The following ANO7 variants were observed in gnomAD, a reference collection of about 807,000 sequenced individuals.
ANO7 encodes anoctamin 7, also known as anoctamin-7.
Under a neutral mutation model 115.8 loss-of-function variants are expected in ANO7, and 114 were observed. The ratio of observed to expected loss-of-function variants is 0.98; its 90% CI spans 0.85 to 1.15. The LOEUF (loss-of-function observed/expected upper bound fraction) is 1.15, where lower values mean the gene tolerates loss of function less well. Ranked by LOEUF, ANO7 falls within the 50% of genes most tolerant of loss-of-function variation. The pLI is 0.00. For missense variants in ANO7, 1,302 were observed against 1,201.2 expected (o/e 1.08, Z -1.24); for synonymous variants, 550 against 498.2 (o/e 1.10, Z -1.38).
chr2:241,201,041 A>G (rs1393527131), intron 6 of ANO7, among the ~76,000 whole-genome samples: 2 of 152,182 alleles, frequency 1.3e-5, no homozygotes, highest in East Asian at 1.9e-4. Flanking sequence ...GGTTCTGGGT[A>G]TCTGGGGGCC....
chr2:241,229,824 G>T (rs193157367), downstream of ANO7: 1 of 800,478 alleles, frequency 1.2e-6, no homozygotes, highest in Non-Finnish European at 1.8e-6. Flanking sequence ...GCAGAAGCCC[G>T]CATCTGACCT....
At chr2:241,210,224 G>A in intron 13 of ANO7, 71 bp from the exon 14 acceptor site, 5 of 1,464,620 alleles carry the variant, frequency 3.4e-6, no homozygotes, top group Non-Finnish European at 4.8e-6. Flanking sequence ...AGCTGTCGGG[G>A]GCCATGGCCT....
At chr2:241,217,641 G>C (rs1007600884) in intron 19 of ANO7, 45 bp from the exon 20 acceptor site, 1 of 1,539,666 alleles carries the variant, frequency 6.5e-7, no homozygotes. Flanking sequence ...CGAGGGCTGA[G>C]GGCGGACGGT....
chr2:241,199,357 C>T lies in ANO7; in HGVS notation c.351C>T (p.Leu117=). The change falls in exon 5 of 25, where the codon CTC becomes CTT. Residue 117 remains leucine (L), a synonymous_variant. Transcript: ENST00000674324. The part of the protein sequence containing the change: ...QDGNTTVHYA[L]LSASWAVLCY... ...GGAACACCACAGTGCACTACGCCCT[C>T]CTCAGCGCCTCCTGGGCTGTGCTCT... The T allele has an allele frequency of 6.2e-7, 1 of 1,613,796 alleles. No individual in the cohort carries two copies. Among genetic ancestry groups the T allele is most frequent in the Non-Finnish European group, 8.5e-7 (1 of 1,180,010 alleles).
At chr2:241,202,170 C>T (rs746033642) in intron 7 of ANO7, 24 bp from the exon 8 acceptor site, 50 of 1,598,670 alleles carry the variant, frequency 3.1e-5, no homozygotes, top group South Asian at 1.9e-4. Context: ...AAGTGACCTG[C>T]GCCATCCTCC....
At chr2:241,208,615 C>T (rs1189583334) in intron 11 of ANO7, among the ~76,000 whole-genome samples, 1 of 152,226 alleles carries the variant, frequency 6.6e-6, no homozygotes, top group East Asian at 1.9e-4. Flanking sequence ...ATTCAACTCA[C>T]TACAGGTCAT....
the ANO7 span, among the ~76,000 whole-genome samples, chr2:241,237,241 G>T: frequency 6.6e-6 from 1 of 152,186 alleles, no homozygotes; most frequent in African/African-American, 2.4e-5. Context: ...GAGAGGTCTA[G>T]GGGAGACAGA....
At chr2:241,205,559 T>C (rs2068573400) in intron 10 of ANO7, among the ~76,000 whole-genome samples, 3 of 105,146 alleles carry the variant, frequency 2.9e-5, no homozygotes, top group Admixed American at 1.1e-4. Context: ...TGGACAGGAG[T>C]GCTCCCAGTC....
At position 241,223,944 on chromosome 2, in the gene ANO7, G is replaced by A. The variant is rs7590653; in HGVS notation, c.2572G>A (p.Glu858Lys). The change falls in exon 24 of 25, where the codon GAG becomes AAG. Residue 858 changes from glutamate (E) to lysine (K), a missense_variant. Glu to Lys is a moderately conservative substitution (Grantham distance 56). Coordinates refer to ENST00000674324, the MANE Select transcript of ANO7 (RefSeq NM_001370694.2). ...GAACGGAACAAAGGATGAGCAGCCC[G>A]AGGGCTCAGAGGCAAGTCTGGGAGC... is the stretch of plus-strand genomic sequence containing the variant. The part of the protein sequence containing the change: ...GTNGTKDEQP[E>K]GSELSSHWTP... 318,384 of 1,609,316 alleles carry A rather than the reference G, an allele frequency of 0.2. 33,987 individuals are homozygous for A. The highest frequency in any genetic ancestry group is 0.26 in the Middle Eastern group (1,605 of 6,060).
chr2:241,192,811 T>C (rs1327820984), intron 3 of ANO7, among the ~76,000 whole-genome samples: 4 of 151,918 alleles, frequency 2.6e-5, no homozygotes, highest in Admixed American at 6.6e-5. Flanking sequence ...CTACGTGAAA[T>C]CAGCCAGTCA....
intron 19 of ANO7, among the ~76,000 whole-genome samples, chr2:241,216,507 G>A (rs1335610806): frequency 6.6e-6 from 1 of 152,236 alleles, no homozygotes; most frequent in Non-Finnish European, 1.5e-5. Context: ...GCTCCCCTGG[G>A]GTCCCTGGAC....
intron 8 of ANO7, 88 bp downstream of exon 8, chr2:241,202,392 C>A: frequency 3.3e-6 from 4 of 1,222,968 alleles, no homozygotes; most frequent in Admixed American, 1.9e-5. Flanking sequence ...GGGTGTGGGG[C>A]AGGCATGGTC....
the ANO7 span, chr2:241,233,787 C>T: frequency 6.2e-7 from 1 of 1,613,292 alleles, no homozygotes; most frequent in Non-Finnish European, 8.5e-7. This position sits in a 1 kb window ranked among gnomAD's most constrained non-coding sequence, Gnocchi z 4.3. Context: ...ACAAGCACCT[C>T]TGCCCCCGAC....
At chr2:241,214,696 T>C in intron 17 of ANO7, 109 bp from the exon 18 acceptor site, 1 of 955,706 alleles carries the variant, frequency 1.0e-6, no homozygotes, top group Non-Finnish European at 1.6e-6. Context: ...CCAAGGCATG[T>C]CAGGAGGGAG....
At position 241,188,714 on chromosome 2, in the gene ANO7, G is replaced by T. The variant is rs756508348; in HGVS notation, c.-60G>T. 3 of 1,613,632 alleles carry T rather than the reference G, an allele frequency of 1.9e-6. No individual in the cohort carries two copies. In the South Asian group the frequency reaches 3.3e-5, roughly 18 times the overall value. On this transcript the variant is annotated 5_prime_UTR_variant, in exon 1 of 25. Transcript: ENST00000674324. The surrounding 1 kb of genome is among the most constrained non-coding windows in gnomAD (Gnocchi z 4.3). ...ACTCTACTGCCGAGACCAGGCTCAC[G>T]CTGAGAGGTGGGCCATGACCTCCGA...
At chr2:241,214,966 T>C (rs1043395019) in intron 18 of ANO7, 64 bp downstream of exon 18, 10 of 1,449,276 alleles carry the variant, frequency 6.9e-6, no homozygotes, top group African/African-American at 1.4e-5. Flanking sequence ...CACCTGGCAG[T>C]AGCAGCCTCC....
In ANO7 at chr2:241,224,309, G is replaced by A. The variant is rs564170463; in HGVS notation, c.*156G>A. 161 of 815,250 alleles carry A rather than the reference G, an allele frequency of 2.0e-4. 2 individuals are homozygous for A. The Admixed American group carries it at 2.9e-3, about 15-fold the overall frequency. The allele number at this position is 815,250 out of a possible 1,614,324, so 50.5% of individuals were successfully genotyped here. A position where few individuals can be genotyped will look rare whatever the true frequency, so the allele number is the denominator to read the frequency against. On this transcript the variant is annotated 3_prime_UTR_variant, in exon 25 of 25. Transcript: ENST00000674324. ...ACATTGCCTGCTTCCCCCCAGCGCC[G>A]GCTTCTCTCCTCAGAGCGCCTGTCA...
At chr2:241,238,740 T>C in the ANO7 span, 1 of 1,577,754 alleles carries the variant, frequency 6.3e-7, no homozygotes. The surrounding 1 kb of genome is among the most constrained non-coding windows in gnomAD (Gnocchi z 4.9). Context: ...CCATGACAGA[T>C]CGATGGAATT....
chr2:241,235,136 G>A, the ANO7 span: 17 of 1,613,480 alleles, frequency 1.1e-5, no homozygotes, highest in Non-Finnish European at 1.4e-5. Context: ...CCTCCTGCTC[G>A]GCCTGTAGCT....
Sources: allele counts gnomAD v4.1 joint callset (sites outside exome capture counted in the v4.1 genomes callset), GRCh38; gene constraint gnomAD v4.1.1; non-coding constraint Gnocchi (gnomAD v3.1); transcripts MANE v1.5; gene names NCBI Gene and HGNC (gene_info 2026-07-23, HGNC 2026-07-21).